Variants in MMGT1 observed in about 807,000 individuals in gnomAD.
MMGT1 encodes the protein membrane magnesium transporter 1.
Under a neutral mutation model 11.7 loss-of-function variants are expected in MMGT1, and 2 were observed. That is an observed-to-expected ratio of 0.17 (90% CI 0.07 to 0.54). The LOEUF (loss-of-function observed/expected upper bound fraction) is 0.54. Ranked by LOEUF, MMGT1 falls within the 20% of genes least tolerant of loss-of-function variation. The pLI is 0.94. For synonymous variants in MMGT1, 49 were observed against 44.4 expected (o/e 1.10, Z -0.41); for missense variants, 74 against 109.0 (o/e 0.68, Z 1.43).
rs1198086473 is a variant in MMGT1, at chrX:135,963,141, T to C, written c.*1883A>G. The C allele has an allele frequency of 9.0e-6, 1 of 111,142 alleles. No homozygotes were observed. Among genetic ancestry groups the C allele is most frequent in the Non-Finnish European group, 1.9e-5 (1 of 52,988 alleles). 9.2% of individuals were successfully genotyped at this position (111,142 alleles called of 1,213,427 possible). On this transcript the variant is annotated 3_prime_UTR_variant, in exon 4 of 4. Transcript: ENST00000305963. Reference sequence around the variant, plus strand: ...AGGGGCTCGGGGATGGGGTGGGCACTGGGAGAAAATGAGAGGTGACTGCTC... The same window carrying C: ...AGGGGCTCGGGGATGGGGTGGGCACCGGGAGAAAATGAGAGGTGACTGCTC...
chrX:135,971,229 G>A, intron 1 of MMGT1, 119 bp from the exon 2 acceptor site: 1 of 432,731 alleles, frequency 2.3e-6, no homozygotes, highest in Non-Finnish European at 4.2e-6. Flanking sequence ...CATGGCACAT[G>A]TATACATATG....
intron 1 of MMGT1, 92 bp from the exon 2 acceptor site, chrX:135,971,202 T>C (rs1366982279): frequency 1.7e-6 from 1 of 591,971 alleles, no homozygotes; most frequent in Non-Finnish European, 2.9e-6. Context: ...GTGGCTGACT[T>C]ATGTGCAGCA....
At chrX:135,968,628 T>G (rs1556612252) in intron 2 of MMGT1, among the ~76,000 whole-genome samples, 1 of 107,543 alleles carries the variant, frequency 9.3e-6, no homozygotes. Context: ...GCCTCCCAGG[T>G]TCAAGTGATT....
In MMGT1 at chrX:135,964,111, A is replaced by G. The variant is rs2089172120; in HGVS notation, c.*913T>C. 8.8e-6 allele frequency: 1 copy of G among 112,997 alleles called. No individual in the cohort carries two copies. The highest frequency in any genetic ancestry group is 3.2e-5 in the African/African-American group (1 of 31,163). The allele number at this position is 112,997 out of a possible 1,213,427, so 9.3% of individuals were successfully genotyped here. A position where few individuals can be genotyped will look rare whatever the true frequency, so the allele number is the denominator to read the frequency against. On this transcript the variant is annotated 3_prime_UTR_variant, in exon 4 of 4. Transcript: ENST00000305963. Reference sequence around the variant, plus strand: ...CCCAATTCCTTTGAACTCTGTCTTTAGATTAATGACGAGTTTCCTTTATTT... The same window carrying G: ...CCCAATTCCTTTGAACTCTGTCTTTGGATTAATGACGAGTTTCCTTTATTT...
intron 2 of MMGT1, among the ~76,000 whole-genome samples, chrX:135,968,499 T>TTTTGTGTGTGTG (rs1556612221): frequency 1.6e-4 from 14 of 85,033 alleles, no homozygotes; most frequent in East Asian, 7.7e-4. Flanking sequence ...CATTATGTCA[T>TTTTGTGTGTGTG]TGTGTGTGTG....
intron 2 of MMGT1, among the ~76,000 whole-genome samples, chrX:135,968,499 T>TTGTGTGTGTGTGTGTGTGTG (rs61012323): frequency 6.6e-4 from 56 of 85,025 alleles, no homozygotes; most frequent in East Asian, 3.9e-3. Flanking sequence ...CATTATGTCA[T>TTGTGTGTGTGTGTGTGTGTG]TGTGTGTGTG....
At position 135,960,876 on chromosome X, in the gene MMGT1, C is replaced by A. The variant is rs1426040027; in HGVS notation, c.*4148G>T. 8.9e-6 allele frequency among the ~76,000 whole-genome samples: 1 copy of A among 111,901 alleles called. No homozygotes were observed. Among genetic ancestry groups the A allele is most frequent in the African/African-American group, 3.2e-5 (1 of 30,824 alleles). Reference sequence around the variant, plus strand: ...ATCTCCTTCATTAAAATGTACCAGACCTTCATTAAAATGCATTAGAACTTC... The same window carrying A: ...ATCTCCTTCATTAAAATGTACCAGAACTTCATTAAAATGCATTAGAACTTC... On this transcript the variant is annotated 3_prime_UTR_variant, in exon 4 of 4. Coordinates refer to ENST00000305963, the MANE Select transcript of MMGT1 (RefSeq NM_173470.3).
At chrX:135,971,714 T>G (rs1182763115) in intron 1 of MMGT1, among the ~76,000 whole-genome samples, 1 of 111,958 alleles carries the variant, frequency 8.9e-6, no homozygotes, top group Admixed American at 9.5e-5. Context: ...AGTGGTGGAA[T>G]AGGAATTCCA....
intron 2 of MMGT1, among the ~76,000 whole-genome samples, chrX:135,969,353 G>C (rs2089205138): frequency 9.0e-6 from 1 of 111,574 alleles, no homozygotes; most frequent in Non-Finnish European, 1.9e-5. Flanking sequence ...TTGTTTTTGA[G>C]ATGGAGTCTC....
chrX:135,965,409 T>A (rs1191153691), intron 3 of MMGT1, among the ~76,000 whole-genome samples: 2 of 111,015 alleles, frequency 1.8e-5, no homozygotes, highest in African/African-American at 6.5e-5. Context: ...TTCTTCTTTT[T>A]AAAAAAAATA....
rs1228621272 is a variant in MMGT1, at chrX:135,961,678, T to C, written c.*3346A>G. ...CAATTTAGAACTTCCCCTTGGATTT[T>C]CATTAAACTTTATATTTGCTTCCTT... On this transcript the variant is annotated 3_prime_UTR_variant, in exon 4 of 4. Coordinates refer to ENST00000305963, the MANE Select transcript of MMGT1 (RefSeq NM_173470.3). 8.9e-6 allele frequency among the ~76,000 whole-genome samples: 1 copy of C among 111,820 alleles called. No homozygotes were observed. Among genetic ancestry groups the C allele is most frequent in the African/African-American group, 3.2e-5 (1 of 30,770 alleles).
In MMGT1 at chrX:135,961,217, A is replaced by G. The variant is rs1556611338; in HGVS notation, c.*3807T>C. 8.9e-6 allele frequency among the ~76,000 whole-genome samples: 1 copy of G among 111,894 alleles called. No homozygotes were observed. Among genetic ancestry groups the G allele is most frequent in the African/African-American group, 3.2e-5 (1 of 30,813 alleles). On this transcript the variant is annotated 3_prime_UTR_variant, in exon 4 of 4. Coordinates refer to ENST00000305963, the MANE Select transcript of MMGT1 (RefSeq NM_173470.3). ...ATCAGTGTTTGAACATTTGTAACAC[A>G]TTCAAACATTAGAATACCACACAGC...
intron 2 of MMGT1, among the ~76,000 whole-genome samples, chrX:135,969,433 G>A (rs1302805615): frequency 9.0e-6 from 1 of 110,944 alleles, no homozygotes; most frequent in African/African-American, 3.3e-5. Flanking sequence ...TTTGCCTCTC[G>A]GGTTCAAGTG....
chrX:135,970,989 A>G (rs1161790128), intron 2 of MMGT1, 69 bp downstream of exon 2: 9 of 786,945 alleles, frequency 1.1e-5, no homozygotes, highest in Non-Finnish European at 1.7e-5. Context: ...ACCAGTAAAA[A>G]AAAAATTATT....
At position 135,961,046 on chromosome X, in the gene MMGT1, T is replaced by C. The variant is rs190205577; in HGVS notation, c.*3978A>G. Among the ~76,000 whole-genome samples, 35 of 111,983 alleles carry C rather than the reference T, an allele frequency of 3.1e-4. No individual in the cohort carries two copies. The highest frequency in any genetic ancestry group is 1.1e-3 in the African/African-American group (34 of 30,936). ...TGGGCAAAGATTTCTAGAGGACAAT[T>C]TGGCAGTAACTACTGAACTGAAAAT... On this transcript the variant is annotated 3_prime_UTR_variant, in exon 4 of 4. Coordinates refer to ENST00000305963, the MANE Select transcript of MMGT1 (RefSeq NM_173470.3).
At position 135,961,636 on chromosome X, in the gene MMGT1, A is replaced by G. The variant is rs189932890; in HGVS notation, c.*3388T>C. Among the ~76,000 whole-genome samples, 208 of 111,856 alleles carry G rather than the reference A, an allele frequency of 1.9e-3. 1 individual carries two copies. The highest frequency in any genetic ancestry group is 0.019 in the Middle Eastern group (4 of 216). On this transcript the variant is annotated 3_prime_UTR_variant, in exon 4 of 4. Coordinates refer to ENST00000305963, the MANE Select transcript of MMGT1 (RefSeq NM_173470.3). ...GGTGTTATTTTTCAAAATACTGTAGATAAGTGCCAAGTTTTGCAATTTAGA... is the reference window on the plus strand; with the variant it reads ...GGTGTTATTTTTCAAAATACTGTAGGTAAGTGCCAAGTTTTGCAATTTAGA...
At chrX:135,967,840 T>G (rs185513822) in intron 2 of MMGT1, among the ~76,000 whole-genome samples, 3,194 of 111,108 alleles carry the variant, frequency 0.029, 59 homozygotes, top group South Asian at 0.059. Flanking sequence ...TTGTTTTTTT[T>G]TTGTTGTTGT....
chrX:135,973,718 G>C lies in MMGT1; in HGVS notation c.-43C>G. 1 of 1,167,027 alleles carries C rather than the reference G, an allele frequency of 8.6e-7. No individual in the cohort carries two copies. The highest frequency in any genetic ancestry group is 1.8e-5 in the African/African-American group (1 of 56,294). On this transcript the variant is annotated 5_prime_UTR_variant, in exon 1 of 4. Coordinates refer to ENST00000305963, the MANE Select transcript of MMGT1 (RefSeq NM_173470.3). ...AGCCCAGCAAAAGAAGCGAAGGACG[G>C]CGGAGCTGTTTCTTCTTCCACCGGC...
intron 1 of MMGT1, among the ~76,000 whole-genome samples, chrX:135,972,417 A>G (rs1329100014): frequency 1.8e-5 from 2 of 112,510 alleles, no homozygotes; most frequent in African/African-American, 6.5e-5. Context: ...CATAAAGACA[A>G]GTGTAAAAGA....
Sources: gnomAD v4.1 joint callset for allele counts (sites outside exome capture counted in the v4.1 genomes callset) on GRCh38, gnomAD v4.1.1 for gene constraint, MANE v1.5 for transcripts, NCBI Gene and HGNC (gene_info 2026-07-23, HGNC 2026-07-21) for gene names.